The following SRRM3 variants were observed in gnomAD, a reference collection of about 807,000 sequenced individuals.
SRRM3 encodes the protein serine/arginine repetitive matrix protein 3.
Under a neutral mutation model 66.2 loss-of-function variants are expected in SRRM3, and 27 were observed. The observed-to-expected ratio is 0.41, with a 90% CI of 0.30 to 0.56. The LOEUF (loss-of-function observed/expected upper bound fraction) is 0.56. Among genes scored for constraint, SRRM3 ranks in the 20% least tolerant of loss-of-function variants. The pLI, the probability that SRRM3 is intolerant of heterozygous loss-of-function variation, is 0.32. For synonymous variants in SRRM3, 391 were observed against 414.9 expected (o/e 0.94, Z 0.70); for missense variants, 918 against 991.9 (o/e 0.93, Z 1.00).
At chr7:76,246,611 G>A (rs1223589173) in intron 2 of SRRM3, among the ~76,000 whole-genome samples, 1 of 152,110 alleles carries the variant, frequency 6.6e-6, no homozygotes, top group African/African-American at 2.4e-5. Flanking sequence ...TTGTATAGGT[G>A]TACACAAGTG....
chr7:76,211,178 T>C (rs1800422386), intron 1 of SRRM3, among the ~76,000 whole-genome samples: 1 of 152,170 alleles, frequency 6.6e-6, no homozygotes, highest in Admixed American at 6.6e-5. Flanking sequence ...GACACCGGTG[T>C]GGGGAAGGAC....
At chr7:76,231,576 T>G (rs988925326) in intron 1 of SRRM3, among the ~76,000 whole-genome samples, 1 of 152,212 alleles carries the variant, frequency 6.6e-6, no homozygotes, top group Non-Finnish European at 1.5e-5. Flanking sequence ...GCCTTCGCGC[T>G]CTCTCCACAC....
At chr7:76,280,735 G>T (rs1802474903) in intron 11 of SRRM3, among the ~76,000 whole-genome samples, 1 of 151,480 alleles carries the variant, frequency 6.6e-6, no homozygotes, top group Admixed American at 6.6e-5. Flanking sequence ...GCTCGGGCCC[G>T]GTGAAAGCCC....
rs1554612684 is a variant in SRRM3, at chr7:76,285,715, A to G, written c.1834A>G (p.Ser612Gly). The G allele has an allele frequency of 1.3e-6, 2 of 1,550,768 alleles. No homozygotes were observed. The highest frequency in any genetic ancestry group is 1.2e-5 in the South Asian group (1 of 84,028). Residue 612 changes from serine to glycine, a missense_variant, in exon 15 of 15, where the codon AGC (serine) becomes GGC (glycine). Transcript: ENST00000611745. This position sits in a 1 kb window ranked among gnomAD's most constrained non-coding sequence, Gnocchi z 4.1. ...GACCCGGAGCCACAGCCGCAGCCCC[A>G]GCCCCGGCCACAGCCACGGGAGCTA... ...YSTRSHSRSP[S>G]PGHSHGSYSS...
intron 3 of SRRM3, among the ~76,000 whole-genome samples, chr7:76,250,574 G>T (rs915174378): frequency 6.6e-6 from 1 of 152,164 alleles, no homozygotes; most frequent in South Asian, 2.1e-4. Flanking sequence ...GGAACAGACA[G>T]ACCTCAATAG....
chr7:76,274,960 G>C (rs1312851828), intron 11 of SRRM3, among the ~76,000 whole-genome samples: 3 of 152,116 alleles, frequency 2.0e-5, no homozygotes, highest in African/African-American at 7.2e-5. Context: ...ACAAAAATTA[G>C]CCGGGCATGG....
chr7:76,223,267 A>AC (rs1424938085), intron 1 of SRRM3, among the ~76,000 whole-genome samples: 6 of 151,842 alleles, frequency 4.0e-5, no homozygotes, highest in Non-Finnish European at 5.9e-5. Context: ...TCTGGTCCTT[A>AC]CCCCCCCAGC....
intron 11 of SRRM3, among the ~76,000 whole-genome samples, chr7:76,280,276 G>T (rs1023395144): frequency 6.6e-6 from 1 of 152,092 alleles, no homozygotes; most frequent in African/African-American, 2.4e-5. Context: ...TTGATTTTTG[G>T]TATCTAATGA....
Position 76,284,861 on chromosome 7 carries a change from C to T in SRRM3, c.1734-754C>T, listed in dbSNP as rs184523677. 2.2e-4 allele frequency among the ~76,000 whole-genome samples: 34 copies of T among 152,262 alleles called. 2 individuals carry two copies. The East Asian group carries it at 6.2e-3, about 28-fold the overall frequency. On this transcript the variant is annotated intron_variant, in intron 14 of 14. Coordinates refer to ENST00000611745, the MANE Select transcript of SRRM3 (RefSeq NM_001110199.3). ...GAGGTAGCTGAGTGAGGAGTGGGGC[C>T]GGCGGGACTGGACCGGACCGTGGGC... is the stretch of plus-strand genomic sequence containing the variant.
intron 3 of SRRM3, among the ~76,000 whole-genome samples, chr7:76,250,630 T>A (rs1406897153): frequency 6.6e-6 from 1 of 152,164 alleles, no homozygotes; most frequent in Non-Finnish European, 1.5e-5. Context: ...TGCTGGGTAG[T>A]GAGGGGTAAA....
At position 76,281,453 on chromosome 7, in the gene SRRM3, C is replaced by A. The variant is rs1802504025; in HGVS notation, c.1021C>A (p.Pro341Thr). Reference protein sequence around the residue: ...AHSPPDKPSSPSPRVRDKAAA... With the variant: ...AHSPPDKPSSTSPRVRDKAAA... Reference sequence around the variant, plus strand: ...CTCTCCCCGTCAGAAGCCCAGCTCGCCCTCGCCCAGGGTCCGTGACAAGGC... The same window carrying A: ...CTCTCCCCGTCAGAAGCCCAGCTCGACCTCGCCCAGGGTCCGTGACAAGGC... Residue 341 changes from proline to threonine, a missense_variant, in exon 12 of 15, where the codon CCC (proline) becomes ACC (threonine). Coordinates refer to ENST00000611745, the MANE Select transcript of SRRM3 (RefSeq NM_001110199.3). 2 of 1,236,708 alleles carry A rather than the reference C, an allele frequency of 1.6e-6. No homozygotes were observed. The highest frequency in any genetic ancestry group is 2.0e-6 in the Non-Finnish European group (2 of 984,810). 76.6% of individuals were successfully genotyped at this position (1,236,708 alleles called of 1,614,324 possible). A position where few individuals can be genotyped will look rare whatever the true frequency, so the allele number is the denominator to read the frequency against.
intron 1 of SRRM3, among the ~76,000 whole-genome samples, chr7:76,231,315 T>C (rs1554604219): frequency 6.6e-6 from 1 of 152,196 alleles, no homozygotes; most frequent in Non-Finnish European, 1.5e-5. Flanking sequence ...CCTCTTCACA[T>C]AGCTCTCCTT....
In SRRM3 at chr7:76,214,251, G is replaced by GCTCT. The variant is rs1554602273; in HGVS notation, c.-40+12185_-40+12186insTCTC. On this transcript the variant is annotated intron_variant, in intron 1 of 14. Coordinates refer to ENST00000611745, the MANE Select transcript of SRRM3 (RefSeq NM_001110199.3). ...CAGAGCAGAGTGGAGACTTGGAGAGGCCACTGCTGCACCAGGAGCTCCCAC... is the reference window on the plus strand; with the variant it reads ...CAGAGCAGAGTGGAGACTTGGAGAGGCTCTCCACTGCTGCACCAGGAGCTCCCAC... 6.1e-3 allele frequency among the ~76,000 whole-genome samples: 925 copies of GCTCT among 152,034 alleles called. 7 individuals carry two copies. Among genetic ancestry groups the GCTCT allele is most frequent in the African/African-American group, 0.021 (867 of 41,426 alleles).
chr7:76,203,954 G>A (rs1330922455), intron 1 of SRRM3, among the ~76,000 whole-genome samples: 1 of 152,138 alleles, frequency 6.6e-6, no homozygotes, highest in Non-Finnish European at 1.5e-5. Flanking sequence ...GATACTTAGA[G>A]GTAGAATGTG....
intron 1 of SRRM3, among the ~76,000 whole-genome samples, chr7:76,231,455 G>C (rs1023170620): frequency 6.6e-6 from 1 of 152,238 alleles, no homozygotes; most frequent in Non-Finnish European, 1.5e-5. Flanking sequence ...ACTCTCACCA[G>C]CTTTCCGCCT....
chr7:76,282,315 T>C (rs1583946636), intron 12 of SRRM3, among the ~76,000 whole-genome samples: 2 of 29,332 alleles, frequency 6.8e-5, no homozygotes, highest in Admixed American at 1.1e-3. Context: ...TCCTGACCCC[T>C]CCCCACAACT....
intron 5 of SRRM3, 69 bp from the exon 6 acceptor site, chr7:76,260,805 G>A: frequency 6.8e-7 from 1 of 1,469,834 alleles, no homozygotes; most frequent in Non-Finnish European, 9.3e-7. Context: ...GTGAGACCCT[G>A]GCAAGTGTCT....
Position 76,235,143 on chromosome 7 carries a change from G to C in SRRM3, c.77G>C (p.Ser26Thr). 2 of 1,565,144 alleles carry C rather than the reference G, an allele frequency of 1.3e-6. No individual in the cohort carries two copies. The highest frequency in any genetic ancestry group is 1.4e-5 in the African/African-American group (1 of 73,828). The change falls in exon 2 of 15, where the codon AGC (serine) becomes ACC (threonine). Residue 26 changes from serine to threonine, a missense_variant. Coordinates refer to ENST00000611745, the MANE Select transcript of SRRM3 (RefSeq NM_001110199.3). ...GCCGCGAACGGCTTCCCGCAGCCCA[G>C]CTCCTCCTCGGGGACCTGGCCGCGG... ...PDAANGFPQP[S>T]SSSGTWPRAE...
chr7:76,241,012 C>T (rs1801282304), intron 2 of SRRM3, among the ~76,000 whole-genome samples: 2 of 152,134 alleles, frequency 1.3e-5, no homozygotes, highest in South Asian at 4.1e-4. Context: ...TTCGTCCTGC[C>T]TCAGCCTGCC....
Sources: allele counts gnomAD v4.1 joint callset (sites outside exome capture counted in the v4.1 genomes callset), GRCh38; gene constraint gnomAD v4.1.1; non-coding constraint Gnocchi (gnomAD v3.1); transcripts MANE v1.5; gene names NCBI Gene and HGNC (gene_info 2026-07-23, HGNC 2026-07-21).